PARD3B: variants seen among roughly 807,000 people sequenced by gnomAD.
The protein encoded by PARD3B is par-3 family cell polarity regulator beta, also known as partitioning defective 3 homolog B.
PARD3B carries 103 observed loss-of-function variants against 130.2 expected under a neutral mutation model. The ratio of observed to expected loss-of-function variants is 0.79; its 90% CI spans 0.67 to 0.93. The LOEUF (loss-of-function observed/expected upper bound fraction) is 0.93, where lower values mean the gene tolerates loss of function less well. Ranked by LOEUF, PARD3B falls within the 40% of genes least tolerant of loss-of-function variation. The probability of loss-of-function intolerance (pLI) is 0.00; values close to 1 mark genes in which losing one functional copy is unlikely to be tolerated. For synonymous variants in PARD3B, 583 were observed against 553.2 expected (o/e 1.05, Z -0.76); for missense variants, 1,609 against 1,499.2 (o/e 1.07, Z -1.21).
chr2:205,209,293 T>C (rs2037493565), intron 15 of PARD3B, among the ~76,000 whole-genome samples: 1 of 151,190 alleles, frequency 6.6e-6, no homozygotes, highest in East Asian at 1.9e-4. Flanking sequence ...GCATTACCAT[T>C]CAGGACATAG....
At chr2:204,569,123 G>A (rs927264962) in intron 1 of PARD3B, among the ~76,000 whole-genome samples, 2 of 152,082 alleles carry the variant, frequency 1.3e-5, no homozygotes, top group African/African-American at 2.4e-5. Flanking sequence ...GTGCTGAACC[G>A]CAGCCTCACC....
At chr2:205,169,642 C>T (rs1305196763) in intron 11 of PARD3B, among the ~76,000 whole-genome samples, 1 of 152,090 alleles carries the variant, frequency 6.6e-6, no homozygotes, top group African/African-American at 2.4e-5. Flanking sequence ...CCTGTCGTAG[C>T]AGATGAGGTG....
At chr2:204,721,234 CTCAGCAG>C (rs2038982249) in intron 2 of PARD3B, among the ~76,000 whole-genome samples, 1 of 152,156 alleles carries the variant, frequency 6.6e-6, no homozygotes, top group African/African-American at 2.4e-5. Context: ...GTTTAAGACA[CTCAGCAG>C]TAATAATTAT....
At chr2:204,703,598 G>A (rs2037996134) in intron 2 of PARD3B, among the ~76,000 whole-genome samples, 1 of 152,118 alleles carries the variant, frequency 6.6e-6, no homozygotes, top group African/African-American at 2.4e-5. Flanking sequence ...TTCTGATGAG[G>A]ATTTCAAGCT....
In PARD3B at chr2:205,446,680, G is replaced by A. The variant is rs371552716; in HGVS notation, c.3044+6008G>A. Reference sequence around the variant, plus strand: ...AAAAGATTCATCTATAAATGACAGTGGTTAAAAAAAAATTTCTACCACCAG... The same window carrying A: ...AAAAGATTCATCTATAAATGACAGTAGTTAAAAAAAAATTTCTACCACCAG... On this transcript the variant is annotated intron_variant, in intron 20 of 22. Coordinates refer to ENST00000406610, the MANE Select transcript of PARD3B (RefSeq NM_001302769.2). This position sits in a 1 kb window ranked among gnomAD's most constrained non-coding sequence, Gnocchi z 4.4. Among the ~76,000 whole-genome samples, 22 of 151,998 alleles carry A rather than the reference G, an allele frequency of 1.4e-4. No individual in the cohort carries two copies. The East Asian group carries it at 2.1e-3, about 15-fold the overall frequency.
chr2:204,665,794 AT>A (rs2035997123), intron 1 of PARD3B, among the ~76,000 whole-genome samples: 1 of 152,242 alleles, frequency 6.6e-6, no homozygotes, highest in African/African-American at 2.4e-5. Context: ...GAGATCTAAC[AT>A]AGGCATCGAT....
intron 10 of PARD3B, among the ~76,000 whole-genome samples, chr2:205,135,910 G>C (rs1045807802): frequency 1.3e-5 from 2 of 152,042 alleles, no homozygotes; most frequent in African/African-American, 4.8e-5. Context: ...CCCCACCACA[G>C]TCCCAGCTCT....
At chr2:204,632,071 G>A (rs1162478326) in intron 1 of PARD3B, among the ~76,000 whole-genome samples, 1 of 152,054 alleles carries the variant, frequency 6.6e-6, no homozygotes, top group Non-Finnish European at 1.5e-5. Context: ...GGAGGTGACT[G>A]GATCATGGGG....
At chr2:204,629,875 A>G (rs1308969576) in intron 1 of PARD3B, among the ~76,000 whole-genome samples, 2 of 152,204 alleles carry the variant, frequency 1.3e-5, no homozygotes, top group African/African-American at 2.4e-5. Flanking sequence ...ACCAAATACT[A>G]TAGACTTTTT....
At chr2:204,820,384 C>T (rs764273118) in intron 2 of PARD3B, among the ~76,000 whole-genome samples, 6 of 151,506 alleles carry the variant, frequency 4.0e-5, no homozygotes, top group Non-Finnish European at 7.4e-5. Flanking sequence ...TCCTAAACAA[C>T]AGATTTTTAT....
At chr2:204,587,617 G>C (rs2032885619) in intron 1 of PARD3B, among the ~76,000 whole-genome samples, 1 of 152,174 alleles carries the variant, frequency 6.6e-6, no homozygotes, top group Admixed American at 6.5e-5. Context: ...CTGAAATTAA[G>C]TTCATTCAGC....
At chr2:205,523,340 G>C (rs550133736) in intron 21 of PARD3B, among the ~76,000 whole-genome samples, 8 of 151,106 alleles carry the variant, frequency 5.3e-5, no homozygotes, top group African/African-American at 1.9e-4. Flanking sequence ...CGCCTCCCAG[G>C]TTCTAGCAAT....
intron 18 of PARD3B, among the ~76,000 whole-genome samples, chr2:205,369,884 T>G (rs1419308304): frequency 6.6e-6 from 1 of 152,220 alleles, no homozygotes; most frequent in African/African-American, 2.4e-5. Flanking sequence ...AAATAGAGAT[T>G]ATATGCTTTT....
chr2:205,153,943 C>T (rs1413664877), intron 10 of PARD3B, among the ~76,000 whole-genome samples: 1 of 152,130 alleles, frequency 6.6e-6, no homozygotes, highest in Admixed American at 6.6e-5. Flanking sequence ...CATAAAAACC[C>T]TAGAAGAAAA....
intron 3 of PARD3B, among the ~76,000 whole-genome samples, chr2:204,973,055 C>T (rs1345854809): frequency 6.6e-6 from 1 of 152,112 alleles, no homozygotes; most frequent in African/African-American, 2.4e-5. Context: ...AGCCATGCAC[C>T]TCTGGCCTCT....
intron 1 of PARD3B, among the ~76,000 whole-genome samples, chr2:204,573,489 A>T (rs921460675): frequency 6.6e-6 from 1 of 152,280 alleles, no homozygotes; most frequent in South Asian, 2.1e-4. Flanking sequence ...TGACCCTCCC[A>T]TATCAGTCAG....
rs1298844022 is a variant in PARD3B at position 204,967,373 on chromosome 2, A to G, written c.394+2050A>G. On this transcript the variant is annotated intron_variant, in intron 3 of 22. Transcript: ENST00000406610. This position sits in a 1 kb window ranked among gnomAD's most constrained non-coding sequence, Gnocchi z 4.4. ...TCAATTAGACTATTGCAGAGGCCTC[A>G]GACTGACCTCTTTCTTTACACTGTG... is the stretch of plus-strand genomic sequence containing the variant. Among the ~76,000 whole-genome samples, 2 of 152,176 alleles carry G rather than the reference A, an allele frequency of 1.3e-5. No individual in the cohort carries two copies. The highest frequency in any genetic ancestry group is 2.9e-5 in the Non-Finnish European group (2 of 68,024).
At position 204,574,368 on chromosome 2, in the gene PARD3B, C is replaced by A. The variant is rs113008408; in HGVS notation, c.120+28249C>A. ...ATTCATAATAAATTTTGTTTGGATA[C>A]ATGTATTTTATATTTTTAGCTCTCT... On this transcript the variant is annotated intron_variant, in intron 1 of 22. Transcript: ENST00000406610. 6.4e-3 allele frequency among the ~76,000 whole-genome samples: 967 copies of A among 152,224 alleles called. 6 individuals carry two copies. Among genetic ancestry groups the A allele is most frequent in the Middle Eastern group, 0.02 (6 of 294 alleles).
intron 18 of PARD3B, among the ~76,000 whole-genome samples, chr2:205,359,022 C>T (rs928565466): frequency 1.3e-5 from 2 of 152,056 alleles, no homozygotes; most frequent in Non-Finnish European, 2.9e-5. Flanking sequence ...CTCCCTAGAC[C>T]TGTGAAATCA....
Sources: gnomAD v4.1 joint callset for allele counts (sites outside exome capture counted in the v4.1 genomes callset) on GRCh38, gnomAD v4.1.1 for gene constraint, Gnocchi (gnomAD v3.1) non-coding constraint, MANE v1.5 for transcripts, NCBI Gene and HGNC (gene_info 2026-07-23, HGNC 2026-07-21) for gene names.